The following TNXB variants were observed in gnomAD, a reference collection of about 807,000 sequenced individuals.
The protein encoded by TNXB is tenascin-X.
In TNXB, 183 loss-of-function variants were observed where a neutral mutation model predicts 340.5. The ratio of observed to expected loss-of-function variants is 0.54; its 90% CI spans 0.48 to 0.61. The LOEUF (loss-of-function observed/expected upper bound fraction) is 0.61, where lower values mean the gene tolerates loss of function less well. Ranked by LOEUF, TNXB falls within the 20% of genes least tolerant of loss-of-function variation. The pLI is 0.00. For synonymous variants in TNXB, 2,121 were observed against 2,314.5 expected (o/e 0.92, Z 2.40); for missense variants, 4,613 against 5,446.4 (o/e 0.85, Z 4.82).
At position 32,093,211 on chromosome 6, in the gene TNXB, G is replaced by A. The variant is rs537578424; in HGVS notation, c.2358+1865C>T. Reference sequence around the variant, plus strand: ...TAAATAATATATACAGAGAAGAAGAGAGTGGGAGAAACACTTTAAAATGTT... The same window carrying A: ...TAAATAATATATACAGAGAAGAAGAAAGTGGGAGAAACACTTTAAAATGTT... On this transcript the variant is annotated intron_variant, in intron 4 of 43. Transcript: ENST00000644971. 1.3e-5 allele frequency: 8 copies of A among 602,120 alleles called. 1 individual carries two copies. Among genetic ancestry groups the A allele is most frequent in the African/African-American group, 1.8e-5 (1 of 54,362 alleles). The allele number at this position is 602,120 out of a possible 1,614,324, so 37.3% of individuals were successfully genotyped here.
At chr6:32,078,380 A>C (rs1429901417) in intron 11 of TNXB, 1 of 147,032 alleles carries the variant, frequency 6.8e-6, no homozygotes, top group Non-Finnish European at 1.5e-5. Context: ...CTTGGGAGGC[A>C]GAGGTTGCAG....
At position 32,069,549 on chromosome 6, in the gene TNXB, T is replaced by A. The variant is rs760674619; in HGVS notation, c.5587+4A>T. 6.4e-7 allele frequency: 1 copy of A among 1,554,714 alleles called. No homozygotes were observed. The highest frequency in any genetic ancestry group is 1.8e-5 in the Admixed American group (1 of 55,296). The stretch of plus-strand genomic sequence containing the variant: ...CACAGGTGTTCCAGCTGCCGCACAC[T>A]CACCAGTAATGGCGACGGCCGAGAT... On this transcript the variant is annotated splice_donor_region_variant and intron_variant, in intron 15 of 43. Transcript: ENST00000644971. This position sits in a 1 kb window ranked among gnomAD's most constrained non-coding sequence, Gnocchi z 6.2.
Position 32,047,647 on chromosome 6 carries a change from G to C in TNXB, c.10324+87C>G, listed in dbSNP as rs763349259. 5 of 1,438,304 alleles carry C rather than the reference G, an allele frequency of 3.5e-6. No homozygotes were observed. Among genetic ancestry groups the C allele is most frequent in the Non-Finnish European group, 3.7e-6 (4 of 1,082,450 alleles). 89.1% of individuals were successfully genotyped at this position (1,438,304 alleles called of 1,614,324 possible). A position where few individuals can be genotyped will look rare whatever the true frequency, so the allele number is the denominator to read the frequency against. On this transcript the variant is annotated intron_variant, in intron 30 of 43. Coordinates refer to ENST00000644971, the MANE Select transcript of TNXB (RefSeq NM_001365276.2). This position sits in a 1 kb window ranked among gnomAD's most constrained non-coding sequence, Gnocchi z 6.2. ...ATGGTTGTGTCAGGGCTGATAGAGG[G>C]AATCTCACGGGAAGGCTGCAGGGCC...
chr6:32,086,175 AT>A, intron 6 of TNXB, 57 bp from the exon 7 acceptor site: 1 of 1,431,984 alleles, frequency 7.0e-7, no homozygotes, highest in African/African-American at 1.4e-5. Flanking sequence ...CTAGAAAGGA[AT>A]CCCCAGTCCC....
chr6:32,067,167 G>GAAAGAAAGA lies in TNXB; in HGVS notation c.6544+485_6544+493dup, dbSNP rs1778418282. On this transcript the variant is annotated intron_variant, in intron 18 of 43. Transcript: ENST00000644971. The surrounding 1 kb of genome is among the most constrained non-coding windows in gnomAD (Gnocchi z 4.2). The stretch of plus-strand genomic sequence containing the variant: ...AGAAAGAAAGAAAGAAAGAAAGAAA[G>GAAAGAAAGA]AAAGAAAGAAAGAAAGAAAACATTC... Among the ~76,000 whole-genome samples the GAAAGAAAGA allele has an allele frequency of 6.6e-6, 1 of 151,042 alleles. No homozygotes were observed. The highest frequency in any genetic ancestry group is 1.5e-5 in the Non-Finnish European group (1 of 67,796).
rs1275999672 is a variant in TNXB at position 32,108,218 on chromosome 6, A to G, written c.-9+963T>C. ...GGGAAGCAGGGGCAGGGCAGGCAGC[A>G]GCTGTGGTGTTTCCGAGTTGCTTCC... On this transcript the variant is annotated intron_variant, in intron 1 of 43. Coordinates refer to ENST00000644971, the MANE Select transcript of TNXB (RefSeq NM_001365276.2). The surrounding 1 kb of genome is among the most constrained non-coding windows in gnomAD (Gnocchi z 4.8). Among the ~76,000 whole-genome samples the G allele has an allele frequency of 6.6e-6, 1 of 152,164 alleles. No homozygotes were observed. The highest frequency in any genetic ancestry group is 1.5e-5 in the Non-Finnish European group (1 of 68,034).
rs1469457254 is a variant in TNXB at position 32,048,505 on chromosome 6, C to T, written c.9903G>A (p.Gly3301=). The T allele has an allele frequency of 6.2e-7, 1 of 1,600,632 alleles. No individual in the cohort carries two copies. Among genetic ancestry groups the T allele is most frequent in the South Asian group, 1.1e-5 (1 of 88,786 alleles). ...SFLVQYRDAQ[G]QPQAVPVSGD... ...CGCTCACAGGCACTGCCTGGGGCTG[C>T]CCCTGCGCGTCCCTGTACTGTACCA... The change falls in exon 29 of 44, where the codon GGG becomes GGA. Residue 3301 remains glycine, a synonymous_variant. Transcript: ENST00000644971.
chr6:32,048,634 T>C lies in TNXB; in HGVS notation c.9774A>G (p.Pro3258=). 1 of 1,502,744 alleles carries C rather than the reference T, an allele frequency of 6.7e-7. No homozygotes were observed. The allele number at this position is 1,502,744 out of a possible 1,614,324, so 93.1% of individuals were successfully genotyped here. The stretch of plus-strand genomic sequence containing the variant: ...CCCCCAGGCGGGGCTCCACCGGCAG[T>C]GGTGTGGGCAGGGGCGCTGAAAAGA... ...TVGITAPLPT[P]LPVEPRLGEL... is the part of the protein sequence containing the mutation. The change falls in exon 29 of 44, where the codon CCA becomes CCG. Residue 3258 remains proline (P), a synonymous_variant. Coordinates refer to ENST00000644971, the MANE Select transcript of TNXB (RefSeq NM_001365276.2).
rs1183142174 is a variant in TNXB at position 32,052,986 on chromosome 6, C to T, written c.8799G>A (p.Glu2933=). 1.2e-6 allele frequency: 2 copies of T among 1,610,738 alleles called. No individual in the cohort carries two copies. The highest frequency in any genetic ancestry group is 1.7e-6 in the Non-Finnish European group (2 of 1,178,726). The change falls in exon 26 of 44, where the codon GAG becomes GAA. Residue 2933 remains glutamate (E), a synonymous_variant. Coordinates refer to ENST00000644971, the MANE Select transcript of TNXB (RefSeq NM_001365276.2). The surrounding 1 kb of genome is among the most constrained non-coding windows in gnomAD (Gnocchi z 4.7). ...GTTCTGTGGGGGCGGGAGTTTCTTC[C>T]TCTGCAGCTGAGAAGAGGGGACAGA... ...PISVIGVTAA[E]EETPAPTEPS... is the part of the protein sequence containing the mutation.
In TNXB at chr6:32,087,427, A is replaced by G. The variant is rs1313858227; in HGVS notation, c.2780-1309T>C. On this transcript the variant is annotated intron_variant, in intron 6 of 43. Coordinates refer to ENST00000644971, the MANE Select transcript of TNXB (RefSeq NM_001365276.2). This position sits in a 1 kb window ranked among gnomAD's most constrained non-coding sequence, Gnocchi z 9.0. ...AGGCGGCTGAGGCCGCCAGCGCAGCACCACGCGCTCGAACTGGCCGCGGAG... is the reference window on the plus strand; with the variant it reads ...AGGCGGCTGAGGCCGCCAGCGCAGCGCCACGCGCTCGAACTGGCCGCGGAG... 2.1e-6 allele frequency: 1 copy of G among 477,294 alleles called. No homozygotes were observed. The highest frequency in any genetic ancestry group is 2.0e-5 in the African/African-American group (1 of 51,080). The allele number at this position is 477,294 out of a possible 1,614,324, so 29.6% of individuals were successfully genotyped here.
chr6:32,053,430 C>G lies in TNXB; in HGVS notation c.8749G>C (p.Gly2917Arg), dbSNP rs61744592. The change falls in exon 25 of 44, where the codon GGT (glycine) becomes CGT (arginine). Residue 2917 changes from glycine (G) to arginine (R), a missense_variant. By Grantham distance (125) the Gly-to-Arg change is moderately radical. Transcript: ENST00000644971. Reference protein sequence around the residue: ...KYKMNLYGFHGGQRVGPISVI... With the variant: ...KYKMNLYGFHRGQRVGPISVI... ...GAGATGGGGCCCACGCGCTGGCCAC[C>G]GTGGAAGCCGTACAGGTTCATCTTG... 3 of 1,612,932 alleles carry G rather than the reference C, an allele frequency of 1.9e-6. No homozygotes were observed. In the African/African-American group the frequency reaches 4.0e-5, roughly 22 times the overall value.
In TNXB at chr6:32,043,238, C is replaced by T. The variant is rs1171852463; in HGVS notation, c.11731G>A (p.Ala3911Thr). The part of the protein sequence containing the change: ...HDLVLHTNYT[A>T]TVRGLRGPNL... The stretch of plus-strand genomic sequence containing the variant: ...GGGCCCCGCAGGCCACGCACTGTGG[C>T]GGTGTAGTTGGTGTGGAGGACAAGG... The change falls in exon 37 of 44, where the codon GCC (alanine) becomes ACC (threonine). Residue 3911 changes from alanine (A) to threonine (T), a missense_variant. Ala to Thr is a moderately conservative substitution (Grantham distance 58). This residue lies in a region of TNXB where 114 missense variants were observed against 104.5 expected (regional missense o/e 1.09). Coordinates refer to ENST00000644971, the MANE Select transcript of TNXB (RefSeq NM_001365276.2). 2.3e-5 allele frequency: 6 copies of T among 264,140 alleles called. No individual in the cohort carries two copies. The highest frequency in any genetic ancestry group is 7.8e-5 in the Admixed American group (1 of 12,770). 16.4% of individuals were successfully genotyped at this position (264,140 alleles called of 1,614,324 possible).
rs1316538855 is a variant in TNXB at position 32,089,916 on chromosome 6, A to C, written c.2359-537T>G. Among the ~76,000 whole-genome samples the C allele has an allele frequency of 1.3e-5, 2 of 152,220 alleles. No individual in the cohort carries two copies. Among genetic ancestry groups the C allele is most frequent in the African/African-American group, 4.8e-5 (2 of 41,452 alleles). ...AGCTTGGTCCTGTCAGAACAAATGA[A>C]GTAGATCAAGGATGCCCCTTCAAGT... On this transcript the variant is annotated intron_variant, in intron 4 of 43. Coordinates refer to ENST00000644971, the MANE Select transcript of TNXB (RefSeq NM_001365276.2). This position sits in a 1 kb window ranked among gnomAD's most constrained non-coding sequence, Gnocchi z 6.2.
At position 32,083,966 on chromosome 6, in the gene TNXB, CAGCTCTT is replaced by C. The variant is rs1374797732; in HGVS notation, c.3445+440_3445+446del. ...CAGGATCAACCCTGCTAGCCTTTAC[CAGCTCTT>C]AACTCACTTCTCCAGCTAGTCTCAG... On this transcript the variant is annotated intron_variant, in intron 8 of 43. Coordinates refer to ENST00000644971, the MANE Select transcript of TNXB (RefSeq NM_001365276.2). The surrounding 1 kb of genome is among the most constrained non-coding windows in gnomAD (Gnocchi z 4.6). Among the ~76,000 whole-genome samples, 1 of 152,264 alleles carries C rather than the reference CAGCTCTT, an allele frequency of 6.6e-6. No individual in the cohort carries two copies. The highest frequency in any genetic ancestry group is 1.9e-4 in the East Asian group (1 of 5,182).
At position 32,068,451 on chromosome 6, in the gene TNXB, C is replaced by A; in HGVS notation, c.6159G>T (p.Met2053Ile). 6.2e-7 allele frequency: 1 copy of A among 1,613,910 alleles called. No individual in the cohort carries two copies. The highest frequency in any genetic ancestry group is 8.5e-7 in the Non-Finnish European group (1 of 1,179,900). ...SGLEPDHKYKMNLYGFHGGQR... is the reference protein window; with the variant it reads ...SGLEPDHKYKINLYGFHGGQR... ...GGCCACCGTGGAAGCCGTACAGGTT[C>A]ATCTTGTATTTATGGTCTGGCTCCA... The change falls in exon 17 of 44, where the codon ATG becomes ATT. Residue 2053 changes from methionine to isoleucine, a missense_variant. Coordinates refer to ENST00000644971, the MANE Select transcript of TNXB (RefSeq NM_001365276.2). This position sits in a 1 kb window ranked among gnomAD's most constrained non-coding sequence, Gnocchi z 5.3.
chr6:32,096,628 T>G lies in TNXB; in HGVS notation c.1225A>C (p.Asn409His). The G allele has an allele frequency of 6.5e-7, 1 of 1,532,072 alleles. No homozygotes were observed. Among genetic ancestry groups the G allele is most frequent in the Non-Finnish European group, 8.7e-7 (1 of 1,146,754 alleles). 94.9% of individuals were successfully genotyped at this position (1,532,072 alleles called of 1,614,324 possible). A position where few individuals can be genotyped will look rare whatever the true frequency, so the allele number is the denominator to read the frequency against. ...CCGTCCTCGCAGCGGCCCCTTTGGT[T>G]GCAGTCGCCAGGGCAGCTGCGCACG... is the stretch of plus-strand genomic sequence containing the variant. Reference protein sequence around the residue: ...CGVRSCPGDCNQRGRCEDGRC... With the variant: ...CGVRSCPGDCHQRGRCEDGRC... Residue 409 changes from asparagine to histidine, a missense_variant, in exon 3 of 44, where the codon AAC becomes CAC. Around this residue, in one of 7 missense-constraint regions of TNXB, gnomAD observed 4,327 missense variants for 4,859.4 expected, o/e 0.89. Transcript: ENST00000644971.
chr6:32,094,095 CAAAAAAAA>C (rs9281649), intron 4 of TNXB, among the ~76,000 whole-genome samples: 7 of 28,956 alleles, frequency 2.4e-4, no homozygotes, highest in African/African-American at 1.0e-3. Flanking sequence ...CTCTCTGTCT[CAAAAAAAA>C]AAAAAAAAAA....
At chr6:32,066,467 T>A (rs746177886) in intron 18 of TNXB, among the ~76,000 whole-genome samples, 87 of 152,316 alleles carry the variant, frequency 5.7e-4, no homozygotes, top group African/African-American at 1.9e-3. Flanking sequence ...ACATGCTACA[T>A]TGATGAACCT....
chr6:32,055,848 C>T lies in TNXB; in HGVS notation c.8467+3G>A. The T allele has an allele frequency of 6.2e-7, 1 of 1,608,476 alleles. No homozygotes were observed. Among genetic ancestry groups the T allele is most frequent in the Non-Finnish European group, 8.5e-7 (1 of 1,176,002 alleles). On this transcript the variant is annotated splice_donor_region_variant and intron_variant, in intron 24 of 43. Coordinates refer to ENST00000644971, the MANE Select transcript of TNXB (RefSeq NM_001365276.2). Reference sequence around the variant, plus strand: ...GCCATCTTCCTCACTCACAAACACTCACCTGTCACACCCACGGTGGACACC... The same window carrying T: ...GCCATCTTCCTCACTCACAAACACTTACCTGTCACACCCACGGTGGACACC...
Sources: gnomAD v4.1 joint callset for allele counts (sites outside exome capture counted in the v4.1 genomes callset) on GRCh38, gnomAD v4.1.1 for gene constraint, gnomAD v4.1.1 regional missense constraint, Gnocchi (gnomAD v3.1) non-coding constraint, MANE v1.5 for transcripts, NCBI Gene and HGNC (gene_info 2026-07-23, HGNC 2026-07-21) for gene names.